Variants in SNTG1 observed in about 807,000 individuals in gnomAD.
SNTG1 encodes syntrophin gamma 1, also known as gamma-1-syntrophin.
Under a neutral mutation model 74.7 loss-of-function variants are expected in SNTG1, and 39 were observed. The ratio of observed to expected loss-of-function variants is 0.52; its 90% CI spans 0.40 to 0.68. The LOEUF is 0.68. SNTG1 is among the 30% of genes least tolerant of loss of function. The pLI, the probability that SNTG1 is intolerant of heterozygous loss-of-function variation, is 0.00. For synonymous variants in SNTG1, 254 were observed against 217.1 expected (o/e 1.17, Z -1.49); for missense variants, 685 against 609.5 (o/e 1.12, Z -1.30).
intron 9 of SNTG1, among the ~76,000 whole-genome samples, chr8:50,518,611 A>C (rs2094153627): frequency 6.6e-6 from 1 of 152,220 alleles, no homozygotes; most frequent in Non-Finnish European, 1.5e-5. Context: ...GTAAAATATG[A>C]TAAAGGAGAT....
intron 1 of SNTG1, among the ~76,000 whole-genome samples, chr8:49,930,793 G>C (rs1807508407): frequency 2.0e-5 from 3 of 151,984 alleles, no homozygotes; most frequent in Admixed American, 2.0e-4. Flanking sequence ...TTTGCACACA[G>C]CGATGCTCCC....
chr8:50,495,844 A>C (rs2093898980), intron 8 of SNTG1, among the ~76,000 whole-genome samples: 1 of 152,070 alleles, frequency 6.6e-6, no homozygotes, highest in African/African-American at 2.4e-5. Flanking sequence ...GGAAACATGA[A>C]TGTGCTGGTA....
chr8:50,121,204 T>G (rs2080988971), intron 1 of SNTG1, among the ~76,000 whole-genome samples: 1 of 142,202 alleles, frequency 7.0e-6, no homozygotes, highest in South Asian at 2.6e-4. Flanking sequence ...GAGTTAAAAT[T>G]TATTGAACTG....
At chr8:49,999,967 A>G (rs1814595607) in intron 1 of SNTG1, among the ~76,000 whole-genome samples, 1 of 152,148 alleles carries the variant, frequency 6.6e-6, no homozygotes, top group African/African-American at 2.4e-5. Flanking sequence ...CTGGCTTAAT[A>G]CATATTGTTG....
chr8:50,743,341 A>T (rs1228582951), intron 17 of SNTG1, among the ~76,000 whole-genome samples: 3 of 151,988 alleles, frequency 2.0e-5, no homozygotes, highest in African/African-American at 7.2e-5. Context: ...TTCAAGGAAG[A>T]TTCAATATAT....
At chr8:50,565,221 A>G (rs1014468019) in intron 12 of SNTG1, among the ~76,000 whole-genome samples, 9 of 152,028 alleles carry the variant, frequency 5.9e-5, no homozygotes, top group Admixed American at 2.0e-4. Flanking sequence ...AGAGATGCCT[A>G]AGGGGACCTG....
chr8:50,143,550 C>T (rs556542682), intron 1 of SNTG1, among the ~76,000 whole-genome samples: 25 of 152,190 alleles, frequency 1.6e-4, no homozygotes, highest in Non-Finnish European at 3.4e-4. Flanking sequence ...TCTATGGATA[C>T]TCTTTTCCAC....
chr8:50,130,894 G>T (rs759525600), intron 1 of SNTG1, among the ~76,000 whole-genome samples: 2 of 152,076 alleles, frequency 1.3e-5, no homozygotes, highest in Non-Finnish European at 2.9e-5. Flanking sequence ...ATGGTTTCAA[G>T]TAACATTTGA....
At chr8:50,303,426 CAT>C (rs2089737620) in intron 2 of SNTG1, among the ~76,000 whole-genome samples, 6 of 151,736 alleles carry the variant, frequency 4.0e-5, no homozygotes, top group Admixed American at 3.9e-4. Flanking sequence ...TATTTTATGA[CAT>C]ATTCATAGAT....
In SNTG1 at chr8:50,297,921, C is replaced by A. The variant is rs552583496; in HGVS notation, c.-27-96291C>A. On this transcript the variant is annotated intron_variant, in intron 2 of 18. Coordinates refer to ENST00000642720, the MANE Select transcript of SNTG1 (RefSeq NM_018967.5). The stretch of plus-strand genomic sequence containing the variant: ...CAACAATTTGGTTCGTTTATGAGGA[C>A]ACTATTACATAGAGAAAAATAGAAG... Among the ~76,000 whole-genome samples, 26 of 148,976 alleles carry A rather than the reference C, an allele frequency of 1.7e-4. No individual in the cohort carries two copies. In the South Asian group the frequency reaches 4.5e-3, roughly 26 times the overall value.
intron 9 of SNTG1, among the ~76,000 whole-genome samples, chr8:50,510,265 C>T (rs935488570): frequency 1.3e-5 from 2 of 152,082 alleles, no homozygotes; most frequent in African/African-American, 4.8e-5. Flanking sequence ...GGGATGAAGC[C>T]CACTTGATCA....
intron 1 of SNTG1, among the ~76,000 whole-genome samples, chr8:50,128,340 C>T (rs182975166): frequency 1.9e-4 from 29 of 152,168 alleles, no homozygotes; most frequent in African/African-American, 6.5e-4. Flanking sequence ...TTGAGTGTCT[C>T]ACTTGTAACA....
At chr8:49,999,757 G>A (rs900818541) in intron 1 of SNTG1, among the ~76,000 whole-genome samples, 2 of 152,092 alleles carry the variant, frequency 1.3e-5, no homozygotes, top group African/African-American at 2.4e-5. Context: ...CTCCCACCGA[G>A]CCAGTGCTTC....
At chr8:50,319,836 T>C (rs192446016) in intron 2 of SNTG1, among the ~76,000 whole-genome samples, 61 of 152,344 alleles carry the variant, frequency 4.0e-4, no homozygotes, top group African/African-American at 1.3e-3. Flanking sequence ...TTAATTGATT[T>C]GCATATGTGG....
intron 18 of SNTG1, among the ~76,000 whole-genome samples, chr8:50,781,018 G>C (rs1020050500): frequency 2.6e-5 from 4 of 152,200 alleles, no homozygotes; most frequent in Admixed American, 1.3e-4. Flanking sequence ...GCGGTTTTGA[G>C]TGAGTTTCTT....
At chr8:49,927,046 A>G (rs1266552119) in intron 1 of SNTG1, among the ~76,000 whole-genome samples, 1 of 152,188 alleles carries the variant, frequency 6.6e-6, no homozygotes, top group African/African-American at 2.4e-5. Flanking sequence ...TTGAGATGCC[A>G]CTGCACAACA....
rs182062765 is a variant in SNTG1, at chr8:50,613,165, G to A, written c.849+22248G>A. On this transcript the variant is annotated intron_variant, in intron 13 of 18. Coordinates refer to ENST00000642720, the MANE Select transcript of SNTG1 (RefSeq NM_018967.5). The stretch of plus-strand genomic sequence containing the variant: ...GTGAGTCTCCCTTTCCTGCTAGAGT[G>A]CAATTCAAATCAATGTTTTCTGCAT... Among the ~76,000 whole-genome samples, 334 of 152,292 alleles carry A rather than the reference G, an allele frequency of 2.2e-3. 1 individual carries two copies. Among genetic ancestry groups the A allele is most frequent in the African/African-American group, 7.0e-3 (290 of 41,580 alleles).
chr8:50,139,441 A>T (rs2081587155), intron 1 of SNTG1, among the ~76,000 whole-genome samples: 1 of 152,190 alleles, frequency 6.6e-6, no homozygotes, highest in Admixed American at 6.5e-5. Context: ...ACCCATGTTG[A>T]CTAGCACTCC....
At chr8:50,431,765 A>G (rs57779700) in intron 4 of SNTG1, among the ~76,000 whole-genome samples, 4,243 of 152,196 alleles carry the variant, frequency 0.028, 186 homozygotes, top group African/African-American at 0.096. Flanking sequence ...TTAATTTGCA[A>G]TTCCCCCTGA....
Sources: allele counts gnomAD v4.1 joint callset (sites outside exome capture counted in the v4.1 genomes callset), GRCh38; gene constraint gnomAD v4.1.1; transcripts MANE v1.5; gene names NCBI Gene and HGNC (gene_info 2026-07-23, HGNC 2026-07-21).